GPR107: variants seen among roughly 807,000 people sequenced by gnomAD.
The protein encoded by GPR107 is protein GPR107.
A neutral mutation model predicts 75.5 loss-of-function variants in GPR107; 31 were observed. The ratio of observed to expected loss-of-function variants is 0.41; its 90% CI spans 0.31 to 0.55. The LOEUF (loss-of-function observed/expected upper bound fraction) is 0.55. GPR107 is among the 20% of genes least tolerant of loss of function. GPR107 has a pLI of 0.26. For missense variants in GPR107, 572 were observed against 665.7 expected (o/e 0.86, Z 1.55); for synonymous variants, 267 against 251.3 (o/e 1.06, Z -0.59).
intron 1 of GPR107, among the ~76,000 whole-genome samples, chr9:130,068,472 C>T (rs1331394259): frequency 1.3e-5 from 2 of 151,956 alleles, no homozygotes; most frequent in Non-Finnish European, 2.9e-5. Context: ...CCATGTATAA[C>T]ATGTGGGTTA....
chr9:130,102,116 G>A (rs1305963288), intron 12 of GPR107, among the ~76,000 whole-genome samples: 2 of 152,228 alleles, frequency 1.3e-5, no homozygotes, highest in African/African-American at 2.4e-5. Flanking sequence ...GAAGGATCAA[G>A]GAGGGCTTTG....
intron 9 of GPR107, among the ~76,000 whole-genome samples, chr9:130,092,772 C>T (rs958863601): frequency 5.9e-5 from 9 of 152,056 alleles, no homozygotes; most frequent in Admixed American, 6.6e-5. Flanking sequence ...CCCGCCACCA[C>T]GCCCGCCTAA....
In GPR107 at chr9:130,079,810, C is replaced by G. The variant is rs754827322; in HGVS notation, c.526+41C>G. On this transcript the variant is annotated intron_variant, in intron 5 of 17. Coordinates refer to ENST00000347136, the MANE Select transcript of GPR107 (RefSeq NM_020960.5). Reference sequence around the variant, plus strand: ...GAAACTGGCTTTCAGTTTTCACTACCTGCTTTGTAGCTTTTTTGTTCCTAA... The same window carrying G: ...GAAACTGGCTTTCAGTTTTCACTACGTGCTTTGTAGCTTTTTTGTTCCTAA... 5.0e-6 allele frequency: 7 copies of G among 1,402,546 alleles called. 1 individual carries two copies. The highest frequency in any genetic ancestry group is 4.3e-5 in the Admixed American group (2 of 46,148). The allele number at this position is 1,402,546 out of a possible 1,614,324, so 86.9% of individuals were successfully genotyped here. A position where few individuals can be genotyped will look rare whatever the true frequency, so the allele number is the denominator to read the frequency against.
chr9:130,092,366 T>C lies in GPR107; in HGVS notation c.848T>C (p.Ile283Thr). Residue 283 changes from isoleucine (I) to threonine (T), a missense_variant, in exon 9 of 18, where the codon ATC (isoleucine) becomes ACC (threonine). By Grantham distance (89) the Ile-to-Thr change is moderately conservative. Transcript: ENST00000347136. ...CTTTCTGGGACCATCTGGATTCATATCCTTCGAAAACGACGGTAAACTATT... is the reference window on the plus strand; with the variant it reads ...CTTTCTGGGACCATCTGGATTCATACCCTTCGAAAACGACGGTAAACTATT... ...FFLSGTIWIH[I>T]LRKRRNDVFK... The C allele has an allele frequency of 6.2e-7, 1 of 1,612,550 alleles. No homozygotes were observed. Among genetic ancestry groups the C allele is most frequent in the African/African-American group, 1.3e-5 (1 of 75,008 alleles).
chr9:130,102,907 C>T (rs1831070414), intron 12 of GPR107, among the ~76,000 whole-genome samples: 1 of 152,082 alleles, frequency 6.6e-6, no homozygotes, highest in Admixed American at 6.6e-5. Flanking sequence ...CCTCAGTCTC[C>T]CGAGTAGCTG....
At chr9:130,125,191 C>T (rs889865929) in intron 15 of GPR107, among the ~76,000 whole-genome samples, 30 of 148,848 alleles carry the variant, frequency 2.0e-4, no homozygotes, top group Non-Finnish European at 3.4e-4. Flanking sequence ...CTCCACTTCC[C>T]GGGTTCAAGC....
chr9:130,064,989 C>G (rs562329619), intron 1 of GPR107, among the ~76,000 whole-genome samples: 1 of 152,272 alleles, frequency 6.6e-6, no homozygotes, highest in South Asian at 2.1e-4. Flanking sequence ...TGTGAGAGAA[C>G]AAACTTCTGT....
At chr9:130,060,979 A>AAAAGGAGTATG (rs1829913831) in intron 1 of GPR107, among the ~76,000 whole-genome samples, 1 of 152,344 alleles carries the variant, frequency 6.6e-6, no homozygotes, top group South Asian at 2.1e-4. Flanking sequence ...AACATCACAC[A>AAAAGGAGTATG]AAAGGAGTAT....
chr9:130,128,657 C>T lies in GPR107; in HGVS notation c.1458C>T (p.Ala486=), dbSNP rs140353305. The T allele has an allele frequency of 3.1e-6, 5 of 1,611,424 alleles. No homozygotes were observed. The African/African-American group carries it at 6.7e-5, about 22-fold the overall frequency. Residue 486 remains alanine (A), a synonymous_variant, in exon 17 of 18, where the codon GCC becomes GCT. Coordinates refer to ENST00000347136, the MANE Select transcript of GPR107 (RefSeq NM_020960.5). The part of the protein sequence containing the change: ...KWLYQLLDET[A]TLVFFVLTGY... ...ACTTGCAGCTCCTGGATGAAACGGCCACACTGGTCTTCTTTGTTCTAACGG... is the reference window on the plus strand; with the variant it reads ...ACTTGCAGCTCCTGGATGAAACGGCTACACTGGTCTTCTTTGTTCTAACGG...
In GPR107 at chr9:130,107,702, G is replaced by A. The variant is rs118182843; in HGVS notation, c.1306+163G>A. The stretch of plus-strand genomic sequence containing the variant: ...CACTTCGTGAGAGCAGCCAGGGGTA[G>A]TTTGGAGAAGGAGGTGTTGAGTCAG... On this transcript the variant is annotated intron_variant, in intron 14 of 17. Coordinates refer to ENST00000347136, the MANE Select transcript of GPR107 (RefSeq NM_020960.5). Among the ~76,000 whole-genome samples, 945 of 152,338 alleles carry A rather than the reference G, an allele frequency of 6.2e-3. 7 individuals are homozygous for A. The highest frequency in any genetic ancestry group is 0.028 in the South Asian group (137 of 4,826).
At chr9:130,093,099 G>C (rs1438316886) in intron 9 of GPR107, among the ~76,000 whole-genome samples, 3 of 152,208 alleles carry the variant, frequency 2.0e-5, no homozygotes, top group Non-Finnish European at 4.4e-5. Context: ...TTACTGCTTA[G>C]AACTGAAGGT....
At chr9:130,094,300 T>A (rs1830810277) in intron 9 of GPR107, among the ~76,000 whole-genome samples, 1 of 152,072 alleles carries the variant, frequency 6.6e-6, no homozygotes, top group Admixed American at 6.6e-5. Context: ...AAAAATTAGC[T>A]GGGCGTGGTG....
At chr9:130,131,091 CG>C (rs1451555484) in intron 17 of GPR107, among the ~76,000 whole-genome samples, 1 of 152,110 alleles carries the variant, frequency 6.6e-6, no homozygotes, top group African/African-American at 2.4e-5. Flanking sequence ...TTCAGCTGTT[CG>C]GTCCCTTAAG....
At chr9:130,126,513 G>A (rs916513079) in intron 15 of GPR107, among the ~76,000 whole-genome samples, 5 of 151,876 alleles carry the variant, frequency 3.3e-5, no homozygotes, top group African/African-American at 9.7e-5. Flanking sequence ...GCCACGCCTG[G>A]CTAATTTTGT....
At chr9:130,064,342 C>T (rs991817013) in intron 1 of GPR107, among the ~76,000 whole-genome samples, 14 of 150,624 alleles carry the variant, frequency 9.3e-5, no homozygotes, top group Admixed American at 2.0e-4. Flanking sequence ...GGACTACAGG[C>T]GCCCGCCACC....
Position 130,054,057 on chromosome 9 carries a change from A to T in GPR107, c.125A>T (p.His42Leu). ...GCCGAGCCTGGCCTGGGCCGCGTCC[A>T]TCACCTGGCACTCAAGGTAAAGCTT... Reference protein sequence around the residue: ...LLAEPGLGRVHHLALKDDVRH... With the variant: ...LLAEPGLGRVLHLALKDDVRH... The change falls in exon 1 of 18, where the codon CAT (histidine) becomes CTT (leucine). Residue 42 changes from histidine to leucine, a missense_variant. His to Leu is a moderately conservative substitution (Grantham distance 99, BLOSUM62 -3). Coordinates refer to ENST00000347136, the MANE Select transcript of GPR107 (RefSeq NM_020960.5). The T allele has an allele frequency of 1.9e-6, 3 of 1,553,926 alleles. No individual in the cohort carries two copies. Among genetic ancestry groups the T allele is most frequent in the Non-Finnish European group, 2.6e-6 (3 of 1,148,576 alleles).
Position 130,053,958 on chromosome 9 carries a change from C to G in GPR107, c.26C>G (p.Ser9Cys). 5.1e-6 allele frequency: 8 copies of G among 1,555,076 alleles called. No individual in the cohort carries two copies. The highest frequency in any genetic ancestry group is 7.0e-6 in the Non-Finnish European group (8 of 1,150,788). Residue 9 changes from serine (S) to cysteine (C), a missense_variant, in exon 1 of 18, where the codon TCC (serine) becomes TGC (cysteine). Transcript: ENST00000347136. MAALAPVGSPASRGPRLAA... is the reference protein window; with the variant it reads MAALAPVGCPASRGPRLAA... ...ATGGCCGCTCTGGCGCCCGTCGGCTCCCCCGCCTCCCGCGGTCCTAGGCTG... is the reference window on the plus strand; with the variant it reads ...ATGGCCGCTCTGGCGCCCGTCGGCTGCCCCGCCTCCCGCGGTCCTAGGCTG...
rs575994416 is a variant in GPR107, at chr9:130,139,050, T to C, written c.*3929T>C. 8 of 152,426 alleles carry C rather than the reference T, an allele frequency of 5.2e-5. No homozygotes were observed. In the East Asian group the frequency reaches 1.2e-3, roughly 22 times the overall value. The allele number at this position is 152,426 out of a possible 1,614,324, so 9.4% of individuals were successfully genotyped here. A position where few individuals can be genotyped will look rare whatever the true frequency, so the allele number is the denominator to read the frequency against. On this transcript the variant is annotated 3_prime_UTR_variant, in exon 18 of 18. Transcript: ENST00000347136. ...AAAGGAAACAGATCTAGCACACTGCTGCACCCCTGCTTCCACACTCCACAC... is the reference window on the plus strand; with the variant it reads ...AAAGGAAACAGATCTAGCACACTGCCGCACCCCTGCTTCCACACTCCACAC...
rs1255309270 is a variant in GPR107 at position 130,138,508 on chromosome 9, C to G, written c.*3387C>G. ...TACCCCTCCCCCTTCCCCTTCCGCT[C>G]CTCCTCCCTCCTCCACCTCTTTCTC... On this transcript the variant is annotated 3_prime_UTR_variant, in exon 18 of 18. Transcript: ENST00000347136. The G allele has an allele frequency of 7.1e-6, 1 of 141,006 alleles. No homozygotes were observed. The highest frequency in any genetic ancestry group is 1.5e-5 in the Non-Finnish European group (1 of 65,024). The allele number at this position is 141,006 out of a possible 1,614,324, so 8.7% of individuals were successfully genotyped here.
Sources: gnomAD v4.1 joint callset for allele counts (sites outside exome capture counted in the v4.1 genomes callset) on GRCh38, gnomAD v4.1.1 for gene constraint, MANE v1.5 for transcripts, NCBI Gene and HGNC (gene_info 2026-07-23, HGNC 2026-07-21) for gene names.